The following CDC7 variants were observed in gnomAD, a reference collection of about 807,000 sequenced individuals.
CDC7 encodes the protein cell division cycle 7-related protein kinase.
CDC7 carries 34 observed loss-of-function variants against 53.5 expected under a neutral mutation model. The ratio of observed to expected loss-of-function variants is 0.64; its 90% CI spans 0.48 to 0.85. CDC7 has a LOEUF of 0.85. Among genes scored for constraint, CDC7 ranks in the 40% least tolerant of loss-of-function variants. CDC7 has a pLI of 0.00. For missense variants in CDC7, 594 were observed against 679.7 expected (o/e 0.87, Z 1.40); for synonymous variants, 211 against 222.8 (o/e 0.95, Z 0.47).
chr1:91,503,458 C>G (rs577455498), intron 2 of CDC7, among the ~76,000 whole-genome samples: 1 of 152,124 alleles, frequency 6.6e-6, no homozygotes, highest in South Asian at 2.1e-4. Flanking sequence ...ATGCCTGCAC[C>G]TCATCAACTT....
At chr1:91,522,460 G>C (rs1668008482) in intron 11 of CDC7, among the ~76,000 whole-genome samples, 1 of 152,108 alleles carries the variant, frequency 6.6e-6, no homozygotes, top group Non-Finnish European at 1.5e-5. Flanking sequence ...GAAAAGTCTT[G>C]AGCTGAAACA....
chr1:91,502,756 A>T (rs1391903931), intron 2 of CDC7, among the ~76,000 whole-genome samples: 1 of 152,060 alleles, frequency 6.6e-6, no homozygotes, highest in Admixed American at 6.6e-5. Context: ...CACATTAATT[A>T]ATTTCCTTAC....
intron 2 of CDC7, among the ~76,000 whole-genome samples, chr1:91,505,420 A>C (rs1666934293): frequency 6.6e-6 from 1 of 152,206 alleles, no homozygotes; most frequent in South Asian, 2.1e-4. Context: ...TTGCAAGCCG[A>C]CTGGCTACTA....
In CDC7 at chr1:91,500,855, C is replaced by A. The variant is rs900332944; in HGVS notation, c.-157C>A. 6.6e-6 allele frequency: 1 copy of A among 152,258 alleles called. No homozygotes were observed. Among genetic ancestry groups the A allele is most frequent in the Non-Finnish European group, 1.5e-5 (1 of 68,092 alleles). 9.4% of individuals were successfully genotyped at this position (152,258 alleles called of 1,614,324 possible). On this transcript the variant is annotated 5_prime_UTR_variant, in exon 1 of 12. Transcript: ENST00000234626. ...ACCAGAGCGGCGGCGGGAAGTGTTG[C>A]GCAGGCGCATCCGATCGACTCGGTA...
chr1:91,515,683 T>C (rs542183345), intron 9 of CDC7, 111 bp from the exon 10 acceptor site: 7 of 1,209,630 alleles, frequency 5.8e-6, no homozygotes, highest in Middle Eastern at 2.1e-4. Flanking sequence ...GTAACACTTA[T>C]TATATAGGTA....
rs1296849292 is a variant in CDC7, at chr1:91,501,832, G to A, written c.115+1G>A. The A allele has an allele frequency of 3.1e-6, 5 of 1,604,058 alleles. No homozygotes were observed. The African/African-American group carries it at 6.7e-5, about 21-fold the overall frequency. ...AACGAGCAGAATTTTAAACTTGCAG[G>A]TACGTGTTTAAATCCAAAGATGTAC... On this transcript the variant is annotated splice_donor_variant, in intron 2 of 11. Coordinates refer to ENST00000234626, the MANE Select transcript of CDC7 (RefSeq NM_003503.4). LOFTEE classifies it high-confidence loss of function.
chr1:91,519,256 CAAAAAAAAAAA>C (rs71087957), intron 10 of CDC7, among the ~76,000 whole-genome samples: 3 of 60,194 alleles, frequency 5.0e-5, no homozygotes, highest in African/African-American at 1.0e-4. Context: ...ACTAAAAATA[CAAAAAAAAAAA>C]AAAAAAAAAA....
Position 91,507,821 on chromosome 1 carries a change from G to A in CDC7, c.116-33G>A, listed in dbSNP as rs1316663240. 2.5e-6 allele frequency: 3 copies of A among 1,213,562 alleles called. No homozygotes were observed. The African/African-American group carries it at 4.7e-5, about 19-fold the overall frequency. 75.2% of individuals were successfully genotyped at this position (1,213,562 alleles called of 1,614,324 possible). ...AGAAACTGTAAAATATACTGTCATT[G>A]ATTAAAACTCTAAATTTTTGTTTCC... On this transcript the variant is annotated intron_variant, in intron 2 of 11. Coordinates refer to ENST00000234626, the MANE Select transcript of CDC7 (RefSeq NM_003503.4).
At chr1:91,512,333 T>A (rs549710344) in intron 6 of CDC7, among the ~76,000 whole-genome samples, 2 of 152,230 alleles carry the variant, frequency 1.3e-5, no homozygotes, top group East Asian at 3.9e-4. Flanking sequence ...TAAAATTGTA[T>A]TAGTGGAATA....
chr1:91,522,573 TA>T (rs13447550), intron 11 of CDC7, among the ~76,000 whole-genome samples: 48 of 152,106 alleles, frequency 3.2e-4, no homozygotes, highest in African/African-American at 1.1e-3. Flanking sequence ...TTTGGTCATA[TA>T]AAAAAAAGCA....
At position 91,515,289 on chromosome 1, in the gene CDC7, T is replaced by A. The variant is rs13447516; in HGVS notation, c.1097+292T>A. Among the ~76,000 whole-genome samples the A allele has an allele frequency of 6.6e-5, 10 of 152,338 alleles. No individual in the cohort carries two copies. In the East Asian group the frequency reaches 1.9e-3, roughly 29 times the overall value. Reference sequence around the variant, plus strand: ...CATTTTGATTGCTGATGTAGTCTTTTCTGTTTTCTCTTTTTATTCCCGCTT... The same window carrying A: ...CATTTTGATTGCTGATGTAGTCTTTACTGTTTTCTCTTTTTATTCCCGCTT... On this transcript the variant is annotated intron_variant, in intron 9 of 11. Transcript: ENST00000234626.
chr1:91,504,830 C>T (rs191308915), intron 2 of CDC7, among the ~76,000 whole-genome samples: 7 of 152,224 alleles, frequency 4.6e-5, no homozygotes, highest in Admixed American at 2.6e-4. Flanking sequence ...ATATTGAAAA[C>T]GTTTCATTTA....
In CDC7 at chr1:91,511,993, T is replaced by G. The variant is rs1344586388; in HGVS notation, c.572+70T>G. On this transcript the variant is annotated intron_variant, in intron 6 of 11. Coordinates refer to ENST00000234626, the MANE Select transcript of CDC7 (RefSeq NM_003503.4). Reference sequence around the variant, plus strand: ...AAAAAACAATTTTATTGTCTATATTTAAGGTATTGAACATGATGTTATATA... The same window carrying G: ...AAAAAACAATTTTATTGTCTATATTGAAGGTATTGAACATGATGTTATATA... The G allele has an allele frequency of 9.4e-6, 11 of 1,165,164 alleles. No homozygotes were observed. The East Asian group carries it at 2.1e-4, about 22-fold the overall frequency. The allele number at this position is 1,165,164 out of a possible 1,614,324, so 72.2% of individuals were successfully genotyped here. A position where few individuals can be genotyped will look rare whatever the true frequency, so the allele number is the denominator to read the frequency against.
chr1:91,506,267 T>C (rs1036374806), intron 2 of CDC7, among the ~76,000 whole-genome samples: 2 of 152,138 alleles, frequency 1.3e-5, no homozygotes, highest in African/African-American at 4.8e-5. Flanking sequence ...CCTAAAGTGC[T>C]GGGATTACAG....
At chr1:91,502,701 T>G (rs186861620) in intron 2 of CDC7, among the ~76,000 whole-genome samples, 3 of 152,334 alleles carry the variant, frequency 2.0e-5, no homozygotes, top group Admixed American at 2.0e-4. Context: ...TTTATTTCTT[T>G]TTAGTAAGTA....
intron 8 of CDC7, 39 bp downstream of exon 8, chr1:91,514,082 C>A (rs377195713): frequency 9.2e-6 from 12 of 1,298,096 alleles, no homozygotes; most frequent in Non-Finnish European, 1.3e-5. Context: ...GTCAGTCAGT[C>A]ATACACTGAA....
At chr1:91,508,448 T>C in intron 4 of CDC7, 51 bp downstream of exon 4, 1 of 1,427,858 alleles carries the variant, frequency 7.0e-7, no homozygotes, top group Non-Finnish European at 9.6e-7. Flanking sequence ...TTTATAAGAT[T>C]TTAAAGTAGA....
chr1:91,514,782 A>C, intron 8 of CDC7, 37 bp from the exon 9 acceptor site: 1 of 1,493,868 alleles, frequency 6.7e-7, no homozygotes, highest in African/African-American at 1.4e-5. Flanking sequence ...CATGTTTAAT[A>C]TCATGAAAAT....
rs191330834 is a variant in CDC7 at position 91,525,183 on chromosome 1, A to C, written c.*748A>C. On this transcript the variant is annotated 3_prime_UTR_variant, in exon 12 of 12. Transcript: ENST00000234626. ...TACGTGTTTACAGTTGGGAATTTAAAATAATACATACACTGGTTGATAAAG... is the reference window on the plus strand; with the variant it reads ...TACGTGTTTACAGTTGGGAATTTAACATAATACATACACTGGTTGATAAAG... The C allele has an allele frequency of 6.6e-6, 1 of 152,304 alleles. No individual in the cohort carries two copies. The highest frequency in any genetic ancestry group is 1.9e-4 in the East Asian group (1 of 5,194). 9.4% of individuals were successfully genotyped at this position (152,304 alleles called of 1,614,324 possible).
Sources: allele counts gnomAD v4.1 joint callset (sites outside exome capture counted in the v4.1 genomes callset), GRCh38; gene constraint gnomAD v4.1.1; transcripts MANE v1.5; gene names NCBI Gene and HGNC (gene_info 2026-07-23, HGNC 2026-07-21).